NRXN1: variants seen among roughly 807,000 people sequenced by gnomAD.
NRXN1 encodes neurexin-1.
NRXN1 carries 39 observed loss-of-function variants against 150.9 expected under a neutral mutation model. The ratio of observed to expected loss-of-function variants is 0.26; its 90% confidence interval spans 0.20 to 0.34. NRXN1 has a LOEUF of 0.34. Among genes scored for constraint, NRXN1 ranks in the 10% least tolerant of loss-of-function variants. The probability of loss-of-function intolerance (pLI) is 1.00; values close to 1 mark genes in which losing one functional copy is unlikely to be tolerated. For missense variants in NRXN1, 1,815 were observed against 1,949.9 expected, an observed-to-expected ratio of 0.93 and a Z score of 1.30; for synonymous variants, 924 against 757.0, an observed-to-expected ratio of 1.22 and a Z score of -3.62.
At position 50,196,171 on chromosome 2, in the gene NRXN1, G is replaced by A. The variant is rs184631858; in HGVS notation, c.3546+40618C>T. Reference sequence around the variant, plus strand: ...CAGGGTGTGTTGTTCCACTCCCTATGTCCATCTGCTGTCATTGTTCAGCTC... The same window carrying A: ...CAGGGTGTGTTGTTCCACTCCCTATATCCATCTGCTGTCATTGTTCAGCTC... On this transcript the variant is annotated intron_variant, in intron 18 of 22. Transcript: ENST00000401669. Among the ~76,000 whole-genome samples the A allele has an allele frequency of 2.7e-3, 407 of 151,826 alleles. 5 individuals carry two copies. Among genetic ancestry groups the A allele is most frequent in the Non-Finnish European group, 1.1e-3 (78 of 67,874 alleles).
intron 18 of NRXN1, among the ~76,000 whole-genome samples, chr2:50,214,252 G>A (rs2063231077): frequency 6.6e-6 from 1 of 151,966 alleles, no homozygotes; most frequent in African/African-American, 2.4e-5. Context: ...GGAAGAACTA[G>A]CAATCTCACT....
intron 8 of NRXN1, among the ~76,000 whole-genome samples, chr2:50,605,106 G>A (rs1441348762): frequency 1.3e-5 from 2 of 152,116 alleles, no homozygotes; most frequent in Non-Finnish European, 2.9e-5. Flanking sequence ...ATAATTCAAA[G>A]GTGAGATGAA....
intron 3 of NRXN1, among the ~76,000 whole-genome samples, chr2:50,924,847 T>C (rs1385905123): frequency 1.3e-5 from 2 of 151,802 alleles, no homozygotes; most frequent in African/African-American, 4.8e-5. Context: ...GTCAACTCTG[T>C]ATTATCATGA....
intron 18 of NRXN1, among the ~76,000 whole-genome samples, chr2:50,126,188 T>C (rs1417239087): frequency 6.6e-6 from 1 of 152,148 alleles, no homozygotes; most frequent in East Asian, 1.9e-4. Flanking sequence ...ATTGAGATAT[T>C]AGGCATGCAG....
rs1160170353 is a variant in NRXN1 at position 50,675,674 on chromosome 2, C to CT, written c.833-52060_833-52059insA. The stretch of plus-strand genomic sequence containing the variant: ...TAAACCATGAATCATCTTGTCATTA[C>CT]CGTTACTCCAGTTTACTGTTAACAT... On this transcript the variant is annotated intron_variant, in intron 5 of 22. Coordinates refer to ENST00000401669, the MANE Select transcript of NRXN1 (RefSeq NM_001330078.2). 2.0e-5 allele frequency among the ~76,000 whole-genome samples: 3 copies of CT among 152,112 alleles called. No individual in the cohort carries two copies. The East Asian group carries it at 5.8e-4, about 29-fold the overall frequency.
At chr2:50,293,601 A>G (rs1462558108) in intron 17 of NRXN1, among the ~76,000 whole-genome samples, 3 of 152,132 alleles carry the variant, frequency 2.0e-5, no homozygotes, top group African/African-American at 7.2e-5. Context: ...CTCAAGTAGA[A>G]CTTTTCTTAG....
intron 9 of NRXN1, 92 bp from the exon 10 acceptor site, chr2:50,538,728 C>A: frequency 9.8e-7 from 1 of 1,021,696 alleles, no homozygotes; most frequent in East Asian, 2.8e-5. Flanking sequence ...ATGGTTAACT[C>A]CTTGGAGGCA....
chr2:50,195,108 T>C (rs973267794), intron 18 of NRXN1, among the ~76,000 whole-genome samples: 1 of 152,178 alleles, frequency 6.6e-6, no homozygotes, highest in Non-Finnish European at 1.5e-5. Flanking sequence ...AAACCTCAGA[T>C]ATATCCTGGA....
At chr2:50,022,469 G>C (rs967685951) in intron 21 of NRXN1, among the ~76,000 whole-genome samples, 1 of 152,060 alleles carries the variant, frequency 6.6e-6, no homozygotes, top group African/African-American at 2.4e-5. Context: ...TGTAAATCAA[G>C]AATCTTTTCT....
intron 18 of NRXN1, among the ~76,000 whole-genome samples, chr2:50,146,017 T>C (rs926599931): frequency 6.6e-6 from 1 of 151,410 alleles, no homozygotes; most frequent in Admixed American, 6.6e-5. Flanking sequence ...TTTTGGGAAA[T>C]TGGAAGAATA....
At chr2:50,146,822 C>T (rs780452853) in intron 18 of NRXN1, among the ~76,000 whole-genome samples, 3 of 151,484 alleles carry the variant, frequency 2.0e-5, no homozygotes, top group Non-Finnish European at 4.4e-5. Flanking sequence ...GTTTTTTACC[C>T]ATTGAAATTC....
chr2:50,116,259 T>G (rs546039064), intron 18 of NRXN1, among the ~76,000 whole-genome samples: 9 of 152,186 alleles, frequency 5.9e-5, no homozygotes, highest in African/African-American at 2.2e-4. Flanking sequence ...CCCTAATAAA[T>G]GACTTTGGGA....
chr2:50,754,317 T>C (rs2105346340), intron 5 of NRXN1, among the ~76,000 whole-genome samples: 1 of 151,996 alleles, frequency 6.6e-6, no homozygotes, highest in East Asian at 1.9e-4. Context: ...TTATTGAACA[T>C]AAATTTATAT....
At chr2:50,440,982 T>C (rs1288790365) in intron 17 of NRXN1, among the ~76,000 whole-genome samples, 2 of 152,206 alleles carry the variant, frequency 1.3e-5, no homozygotes, top group Non-Finnish European at 2.9e-5. Flanking sequence ...ATACTCTCTG[T>C]AGCTTTTTCG....
intron 19 of NRXN1, among the ~76,000 whole-genome samples, chr2:50,084,611 G>A (rs1698525512): frequency 6.6e-6 from 1 of 152,204 alleles, no homozygotes. Flanking sequence ...CCCGCAGGCT[G>A]AGGGAACCGG....
chr2:50,686,242 CAT>C (rs1416082307), intron 5 of NRXN1, among the ~76,000 whole-genome samples: 2 of 151,964 alleles, frequency 1.3e-5, no homozygotes, highest in African/African-American at 2.4e-5. Flanking sequence ...ATTTGGCAAA[CAT>C]AGTACATTTT....
chr2:51,018,468 C>T (rs1669088676), intron 2 of NRXN1, among the ~76,000 whole-genome samples: 2 of 152,090 alleles, frequency 1.3e-5, no homozygotes, highest in South Asian at 4.1e-4. Flanking sequence ...AATAGTTTCT[C>T]ATATATACCT....
chr2:50,940,367 TGGGAGGCTTAGGCA>T (rs1181337012), intron 2 of NRXN1, among the ~76,000 whole-genome samples: 1 of 150,436 alleles, frequency 6.6e-6, no homozygotes, highest in African/African-American at 2.5e-5. Context: ...CCCAGCTACA[TGGGAGGCTTAGGCA>T]GGAGAACTGC....
At chr2:50,053,645 A>G (rs1193470198) in intron 20 of NRXN1, 55 bp from the exon 21 acceptor site, 1 of 1,544,570 alleles carries the variant, frequency 6.5e-7, no homozygotes, top group African/African-American at 1.4e-5. Context: ...CTCTATATCT[A>G]CAATGGATGA....
Sources: gnomAD v4.1 joint callset for allele counts (sites outside exome capture counted in the v4.1 genomes callset) on GRCh38, gnomAD v4.1.1 for gene constraint, MANE v1.5 for transcripts, NCBI Gene and HGNC (gene_info 2026-07-23, HGNC 2026-07-21) for gene names.